The following ADGRA1 variants were observed in gnomAD, a reference collection of about 807,000 sequenced individuals.
The protein encoded by ADGRA1 is G-protein coupled receptor 123.
ADGRA1 carries 12 observed loss-of-function variants against 21.3 expected under a neutral mutation model. That is an observed-to-expected ratio of 0.56 (90% confidence interval 0.36 to 0.91). ADGRA1 has a LOEUF of 0.91. ADGRA1 is among the 40% of genes least tolerant of loss of function. The probability of loss-of-function intolerance (pLI) is 0.01; values close to 1 mark genes in which losing one functional copy is unlikely to be tolerated. For missense variants in ADGRA1, 790 were observed against 805.6 expected, an observed-to-expected ratio of 0.98 and a Z score of 0.23; for synonymous variants, 385 against 368.8, an observed-to-expected ratio of 1.04 and a Z score of -0.50.
In ADGRA1 at chr10:133,129,794, A is replaced by C. The variant is rs891445796; in HGVS notation, c.*283A>C. 1 of 417,992 alleles carries C rather than the reference A, an allele frequency of 2.4e-6. No individual in the cohort carries two copies. Among genetic ancestry groups the C allele is most frequent in the East Asian group, 3.8e-5 (1 of 26,656 alleles). The allele number at this position is 417,992 out of a possible 1,614,324, so 25.9% of individuals were successfully genotyped here. ...TCCCAATTCCGCGTGCTGGTCCCGC[A>C]CACGGTCATCCGGTTTCTGTCCTGT... On this transcript the variant is annotated 3_prime_UTR_variant, in exon 7 of 7. Coordinates refer to ENST00000392607, the MANE Select transcript of ADGRA1 (RefSeq NM_001083909.3).
At chr10:133,102,939 G>A in intron 5 of ADGRA1, 97 bp downstream of exon 5, 1 of 1,327,942 alleles carries the variant, frequency 7.5e-7, no homozygotes, top group Non-Finnish European at 1.0e-6. Flanking sequence ...AGGCCACCAG[G>A]GGCCTGAGGA....
chr10:133,088,778 CTCCTGGCCGCCG>C lies in ADGRA1; in HGVS notation c.-129_-118del. 1 of 1,232,058 alleles carries C rather than the reference CTCCTGGCCGCCG, an allele frequency of 8.1e-7. No individual in the cohort carries two copies. Among genetic ancestry groups the C allele is most frequent in the Non-Finnish European group, 1.0e-6 (1 of 987,794 alleles). 76.3% of individuals were successfully genotyped at this position (1,232,058 alleles called of 1,614,324 possible). On this transcript the variant is annotated 5_prime_UTR_variant, in exon 2 of 7. Transcript: ENST00000392607. The stretch of plus-strand genomic sequence containing the variant: ...GAGGCCAGGGGCCCGGGAGCGCGAC[CTCCTGGCCGCCG>C]TCTGGGACTTTGACCTTCCAGAGGC...
At chr10:133,114,517 C>T (rs900861783) in intron 5 of ADGRA1, among the ~76,000 whole-genome samples, 2 of 152,204 alleles carry the variant, frequency 1.3e-5, no homozygotes, top group African/African-American at 4.8e-5. Flanking sequence ...CACCTGACTC[C>T]TGTCTCGCCA....
chr10:133,101,586 G>A (rs139571215), intron 4 of ADGRA1, among the ~76,000 whole-genome samples: 25 of 152,280 alleles, frequency 1.6e-4, no homozygotes, highest in East Asian at 7.7e-4. Context: ...TCAGCGCCCC[G>A]GGCAGTGACA....
In ADGRA1 at chr10:133,088,622, C is replaced by T. The variant is rs888404012; in HGVS notation, c.-202-86C>T. The T allele has an allele frequency of 2.2e-3, 1,918 of 878,542 alleles. 9 individuals are homozygous for T. Among genetic ancestry groups the T allele is most frequent in the Non-Finnish European group, 1.5e-3 (1,010 of 676,788 alleles). 54.4% of individuals were successfully genotyped at this position (878,542 alleles called of 1,614,324 possible). On this transcript the variant is annotated intron_variant, in intron 1 of 6. Transcript: ENST00000392607. ...GGAGGGGAGGGAGCGACAGGGGCCG[C>T]GGCTGCTCCCTGGCGGGGTCGGGGC... is the stretch of plus-strand genomic sequence containing the variant.
Position 133,088,355 on chromosome 10 carries a change from G to C in ADGRA1, c.-203+217G>C, listed in dbSNP as rs1473380976. 1.9e-5 allele frequency: 3 copies of C among 158,810 alleles called. No homozygotes were observed. In the East Asian group the frequency reaches 5.9e-4, roughly 31 times the overall value. The allele number at this position is 158,810 out of a possible 1,614,324, so 9.8% of individuals were successfully genotyped here. Reference sequence around the variant, plus strand: ...ACATCCAGGCAGAGCAGGCGCCGCGGCCGGGCTGGGGCGGGCGGGTCACTC... The same window carrying C: ...ACATCCAGGCAGAGCAGGCGCCGCGCCCGGGCTGGGGCGGGCGGGTCACTC... On this transcript the variant is annotated intron_variant, in intron 1 of 6. Transcript: ENST00000392607.
chr10:133,111,175 G>A (rs373051975), intron 5 of ADGRA1, among the ~76,000 whole-genome samples: 1,587 of 17,960 alleles, frequency 0.088, 84 homozygotes, highest in Middle Eastern at 0.12. Context: ...CCTGCCCGCC[G>A]TGAGCACCTC....
intron 5 of ADGRA1, among the ~76,000 whole-genome samples, chr10:133,112,896 G>T (rs1852083279): frequency 7.6e-6 from 1 of 130,832 alleles, no homozygotes; most frequent in South Asian, 2.6e-4. Flanking sequence ...GGCCGCGTCA[G>T]TTCGGTTATT....
chr10:133,116,916 C>T (rs1591183514), intron 5 of ADGRA1, among the ~76,000 whole-genome samples: 1 of 152,164 alleles, frequency 6.6e-6, no homozygotes, highest in East Asian at 1.9e-4. Flanking sequence ...GTCTGACCCC[C>T]AGTTCGGGAC....
At position 133,127,302 on chromosome 10, in the gene ADGRA1, T is replaced by G; in HGVS notation, c.471T>G (p.Asn157Lys). 2 of 1,599,828 alleles carry G rather than the reference T, an allele frequency of 1.3e-6. No individual in the cohort carries two copies. The highest frequency in any genetic ancestry group is 1.7e-6 in the Non-Finnish European group (2 of 1,174,300). Residue 157 changes from asparagine (N) to lysine (K), a missense_variant, in exon 6 of 7, where the codon AAT becomes AAG. Asn to Lys is a moderately conservative substitution (Grantham distance 94). This residue lies in a region of ADGRA1 where 382 missense variants were observed against 415.6 expected (regional missense o/e 0.92). Transcript: ENST00000392607. ...CGVTAATNIR[N>K]YGTEDEDTAY... is the part of the protein sequence containing the mutation. ...TCACGGCTGCCACGAACATCAGGAA[T>G]TACGGGACAGAGGACGAGGACACGG...
intron 2 of ADGRA1, among the ~76,000 whole-genome samples, chr10:133,092,658 A>G (rs1416406575): frequency 6.6e-6 from 1 of 152,086 alleles, no homozygotes; most frequent in Non-Finnish European, 1.5e-5. Context: ...GCACAGAACC[A>G]GGAAGTAAAA....
rs749849661 is a variant in ADGRA1 at position 133,093,200 on chromosome 10, C to A, written c.4-3774C>A. Reference sequence around the variant, plus strand: ...CCGCAGGGAGGAAGATTCCTTCAGGCAGCTGGCATTCCCCAGGTTTGAAGA... The same window carrying A: ...CCGCAGGGAGGAAGATTCCTTCAGGAAGCTGGCATTCCCCAGGTTTGAAGA... On this transcript the variant is annotated intron_variant, in intron 2 of 6. Transcript: ENST00000392607. The A allele has an allele frequency of 3.1e-6, 5 of 1,593,718 alleles. No homozygotes were observed. In the South Asian group the frequency reaches 4.5e-5, roughly 14 times the overall value.
At chr10:133,105,323 C>T (rs1362102260) in intron 5 of ADGRA1, among the ~76,000 whole-genome samples, 2 of 152,304 alleles carry the variant, frequency 1.3e-5, no homozygotes, top group Middle Eastern at 3.4e-3. Context: ...TCTCAGCCGC[C>T]GTGCATGAAG....
At chr10:133,120,877 C>G (rs1486910263) in intron 5 of ADGRA1, among the ~76,000 whole-genome samples, 1 of 152,226 alleles carries the variant, frequency 6.6e-6, no homozygotes, top group Non-Finnish European at 1.5e-5. Flanking sequence ...GACATGCCTT[C>G]CTCACTAAGC....
chr10:133,123,846 G>A (rs781479289), intron 5 of ADGRA1, among the ~76,000 whole-genome samples: 6 of 151,962 alleles, frequency 3.9e-5, no homozygotes, highest in Admixed American at 6.5e-5. Context: ...TTAAGAGGAC[G>A]CCGGTGATGT....
chr10:133,090,009 G>T (rs1003055040), intron 2 of ADGRA1, among the ~76,000 whole-genome samples: 1 of 152,202 alleles, frequency 6.6e-6, no homozygotes, highest in Non-Finnish European at 1.5e-5. Flanking sequence ...GCAGCCCCAG[G>T]CCTCCCAGTT....
chr10:133,124,578 G>A (rs545973925), intron 5 of ADGRA1, among the ~76,000 whole-genome samples: 1 of 152,372 alleles, frequency 6.6e-6, no homozygotes, highest in African/African-American at 2.4e-5. Context: ...CCGACGCCCA[G>A]AGTCTGCCTG....
intron 2 of ADGRA1, 33 bp downstream of exon 2, chr10:133,088,945 G>A: frequency 8.1e-7 from 1 of 1,237,578 alleles, no homozygotes; most frequent in Non-Finnish European, 1.0e-6. Context: ...TCCTGCAGCT[G>A]GGGGCTAGGC....
chr10:133,120,608 C>T (rs1852236875), intron 5 of ADGRA1, among the ~76,000 whole-genome samples: 1 of 152,192 alleles, frequency 6.6e-6, no homozygotes, highest in South Asian at 2.1e-4. Flanking sequence ...TGCTGCACCT[C>T]TCTCAGCCAT....
Sources: gnomAD v4.1 joint callset for allele counts (sites outside exome capture counted in the v4.1 genomes callset) on GRCh38, gnomAD v4.1.1 for gene constraint, gnomAD v4.1.1 regional missense constraint, MANE v1.5 for transcripts, NCBI Gene and HGNC (gene_info 2026-07-23, HGNC 2026-07-21) for gene names.